The following KIF26B variants were observed in gnomAD, a reference collection of about 807,000 sequenced individuals.
KIF26B encodes kinesin-like protein KIF26B.
KIF26B carries 63 observed loss-of-function variants against 151.2 expected under a neutral mutation model. That is an observed-to-expected ratio of 0.42 (90% CI 0.34 to 0.51). The LOEUF is 0.51. Among genes scored for constraint, KIF26B ranks in the 20% least tolerant of loss-of-function variants. KIF26B has a pLI of 0.07. For synonymous variants in KIF26B, 1,357 were observed against 1,262.1 expected, an observed-to-expected ratio of 1.08 and a Z score of -1.59; for missense variants, 2,813 against 2,913.6, an observed-to-expected ratio of 0.97 and a Z score of 0.79.
At chr1:245,585,747 G>C (rs1465961574) in intron 5 of KIF26B, among the ~76,000 whole-genome samples, 6 of 152,164 alleles carry the variant, frequency 3.9e-5, no homozygotes, top group African/African-American at 1.4e-4. Context: ...AGGTAAAGGA[G>C]ACTGCATTAC....
rs375857224 is a variant in KIF26B, at chr1:245,685,757, C to A, written c.2774C>A (p.Thr925Lys). The A allele has an allele frequency of 1.1e-4, 171 of 1,612,308 alleles. No individual in the cohort carries two copies. Among genetic ancestry groups the A allele is most frequent in the Non-Finnish European group, 1.3e-4 (159 of 1,179,516 alleles). ...GAAAGGGACTGCCTGAAGTGCAACA[C>A]GTTTGCCGAGCTGCAGGAGAGGCTG... ...KSERDCLKCN[T>K]FAELQERLDC... Residue 925 changes from threonine to lysine, a missense_variant, in exon 12 of 15, where the codon ACG becomes AAG. Thr to Lys is a moderately conservative substitution (Grantham distance 78, BLOSUM62 -1). Coordinates refer to ENST00000407071, the MANE Select transcript of KIF26B (RefSeq NM_018012.4).
chr1:245,562,140 C>T (rs1046708446), intron 5 of KIF26B, among the ~76,000 whole-genome samples: 4 of 152,132 alleles, frequency 2.6e-5, no homozygotes, highest in African/African-American at 9.7e-5. Flanking sequence ...TAAAGCACTT[C>T]TCAGCTGTGC....
Position 245,688,467 on chromosome 1 carries a change from G to C in KIF26B, c.5484G>C (p.Glu1828Asp), listed in dbSNP as rs2044570582. 3 of 1,377,272 alleles carry C rather than the reference G, an allele frequency of 2.2e-6. No individual in the cohort carries two copies. Among genetic ancestry groups the C allele is most frequent in the Non-Finnish European group, 2.8e-6 (3 of 1,076,900 alleles). 85.3% of individuals were successfully genotyped at this position (1,377,272 alleles called of 1,614,324 possible). ...ARGLQLRAGP[E>D]AEARGGALAE... ...GCTTGCAGCTGCGGGCCGGGCCCGA[G>C]GCGGAGGCGCGCGGGGGGGCCCTGG... Residue 1828 changes from glutamate to aspartate, a missense_variant, in exon 12 of 15, where the codon GAG becomes GAC. Coordinates refer to ENST00000407071, the MANE Select transcript of KIF26B (RefSeq NM_018012.4).
intron 4 of KIF26B, among the ~76,000 whole-genome samples, chr1:245,472,998 A>G (rs1659948078): frequency 6.6e-6 from 1 of 152,252 alleles, no homozygotes; most frequent in Non-Finnish European, 1.5e-5. Flanking sequence ...CTTTCTGTGT[A>G]GACAGCAGTG....
Position 245,702,760 on chromosome 1 carries a change from T to C in KIF26B, c.*154T>C. 1 of 788,400 alleles carries C rather than the reference T, an allele frequency of 1.3e-6. No homozygotes were observed. The highest frequency in any genetic ancestry group is 1.9e-6 in the Non-Finnish European group (1 of 525,000). 48.8% of individuals were successfully genotyped at this position (788,400 alleles called of 1,614,324 possible). A position where few individuals can be genotyped will look rare whatever the true frequency, so the allele number is the denominator to read the frequency against. On this transcript the variant is annotated 3_prime_UTR_variant, in exon 15 of 15. Coordinates refer to ENST00000407071, the MANE Select transcript of KIF26B (RefSeq NM_018012.4). This position sits in a 1 kb window ranked among gnomAD's most constrained non-coding sequence, Gnocchi z 4.1. Reference sequence around the variant, plus strand: ...GCGGGCGTTGAGCGGAAGGCGAGTTTTCTTTTGTTTTCTGTAGGAAAGGTG... The same window carrying C: ...GCGGGCGTTGAGCGGAAGGCGAGTTCTCTTTTGTTTTCTGTAGGAAAGGTG...
Position 245,273,509 on chromosome 1 carries a change from C to T in KIF26B, c.466-93325C>T, listed in dbSNP as rs567100855. Among the ~76,000 whole-genome samples the T allele has an allele frequency of 3.8e-4, 58 of 151,046 alleles. 1 individual carries two copies. In the South Asian group the frequency reaches 4.6e-3, roughly 12 times the overall value. ...TTGTGTTGCTTCCTATTTCTCTTTTCAATTCTGTCCATGTTTTATATCTTT... is the reference window on the plus strand; with the variant it reads ...TTGTGTTGCTTCCTATTTCTCTTTTTAATTCTGTCCATGTTTTATATCTTT... On this transcript the variant is annotated intron_variant, in intron 2 of 14. Coordinates refer to ENST00000407071, the MANE Select transcript of KIF26B (RefSeq NM_018012.4).
Position 245,345,365 on chromosome 1 carries a change from G to A in KIF26B, c.466-21469G>A, listed in dbSNP as rs1215703650. Among the ~76,000 whole-genome samples the A allele has an allele frequency of 2.0e-5, 3 of 152,202 alleles. No individual in the cohort carries two copies. The East Asian group carries it at 5.8e-4, about 29-fold the overall frequency. On this transcript the variant is annotated intron_variant, in intron 2 of 14. Transcript: ENST00000407071. ...GGGAAACATCAGATCTAACCACCTC[G>A]AGCCTTGCGTCTCTGTTTATGCCTC...
intron 2 of KIF26B, among the ~76,000 whole-genome samples, chr1:245,226,592 T>A (rs1198282094): frequency 6.6e-6 from 1 of 152,058 alleles, no homozygotes; most frequent in Non-Finnish European, 1.5e-5. Flanking sequence ...GCCTCCTGAG[T>A]AGCTGGGATT....
chr1:245,212,321 T>A (rs374197632), intron 2 of KIF26B, among the ~76,000 whole-genome samples: 24 of 152,158 alleles, frequency 1.6e-4, no homozygotes, highest in African/African-American at 5.3e-4. Flanking sequence ...AAGTGGTGGG[T>A]CTGCGATTTG....
chr1:245,641,297 A>T (rs558723419), intron 9 of KIF26B, among the ~76,000 whole-genome samples: 2 of 148,536 alleles, frequency 1.3e-5, no homozygotes, highest in African/African-American at 5.1e-5. Context: ...TTTAATTATA[A>T]TATGTCTTGG....
At chr1:245,372,331 G>T (rs977739679) in intron 3 of KIF26B, among the ~76,000 whole-genome samples, 7 of 152,278 alleles carry the variant, frequency 4.6e-5, no homozygotes, top group Admixed American at 2.0e-4. Context: ...TGCCAAAAAG[G>T]TTGGGAATCA....
At chr1:245,525,785 A>C (rs1661225768) in intron 4 of KIF26B, among the ~76,000 whole-genome samples, 1 of 152,234 alleles carries the variant, frequency 6.6e-6, no homozygotes, top group African/African-American at 2.4e-5. Context: ...TCTCATAATA[A>C]TATAAGGCAT....
chr1:245,237,951 C>T (rs112607124), intron 2 of KIF26B, among the ~76,000 whole-genome samples: 5 of 151,132 alleles, frequency 3.3e-5, no homozygotes, highest in African/African-American at 9.7e-5. Flanking sequence ...ACTTGAGCCC[C>T]GGAGGTCGAG....
At position 245,488,099 on chromosome 1, in the gene KIF26B, T is replaced by A. The variant is rs1660321447; in HGVS notation, c.1167-52668T>A. 6.6e-6 allele frequency among the ~76,000 whole-genome samples: 1 copy of A among 152,212 alleles called. No homozygotes were observed. The highest frequency in any genetic ancestry group is 6.5e-5 in the Admixed American group (1 of 15,278). ...TGCCACGCCCGGCCATGTATCTTTT[T>A]AAGTACAGGTGGAGGTCTCATTATG... On this transcript the variant is annotated intron_variant, in intron 4 of 14. Coordinates refer to ENST00000407071, the MANE Select transcript of KIF26B (RefSeq NM_018012.4). The surrounding 1 kb of genome is among the most constrained non-coding windows in gnomAD (Gnocchi z 4.6).
At chr1:245,285,232 G>A (rs1052384134) in intron 2 of KIF26B, among the ~76,000 whole-genome samples, 1 of 152,136 alleles carries the variant, frequency 6.6e-6, no homozygotes, top group African/African-American at 2.4e-5. Context: ...GGCAGTGGCA[G>A]AATTTATTCC....
chr1:245,324,798 C>G (rs1671953429), intron 2 of KIF26B, among the ~76,000 whole-genome samples: 1 of 151,930 alleles, frequency 6.6e-6, no homozygotes, highest in Non-Finnish European at 1.5e-5. Flanking sequence ...ATGCCATGTT[C>G]CTAAAGAAAA....
In KIF26B at chr1:245,610,748, T is replaced by C. The variant is rs571381663; in HGVS notation, c.1915-1045T>C. ...AAAAGACCAATATTCCCTTTAATTC[T>C]TGTTGAAAAATCTTTTAAATTCTTT... On this transcript the variant is annotated intron_variant, in intron 8 of 14. Coordinates refer to ENST00000407071, the MANE Select transcript of KIF26B (RefSeq NM_018012.4). 2.6e-5 allele frequency among the ~76,000 whole-genome samples: 4 copies of C among 152,390 alleles called. No individual in the cohort carries two copies. The South Asian group carries it at 8.3e-4, about 32-fold the overall frequency.
At chr1:245,625,608 A>G (rs554629023) in intron 9 of KIF26B, among the ~76,000 whole-genome samples, 13 of 152,236 alleles carry the variant, frequency 8.5e-5, no homozygotes, top group Non-Finnish European at 1.5e-4. Flanking sequence ...CTCAGTTATC[A>G]CTTATTTGTG....
rs1015581289 is a variant in KIF26B, at chr1:245,450,737, G to A, written c.1166+30992G>A. Among the ~76,000 whole-genome samples, 9 of 152,318 alleles carry A rather than the reference G, an allele frequency of 5.9e-5. 1 individual carries two copies. In the East Asian group the frequency reaches 1.2e-3, roughly 20 times the overall value. On this transcript the variant is annotated intron_variant, in intron 4 of 14. Transcript: ENST00000407071. ...CTAAAAGACACTATGGCACATCTTC[G>A]TAGGACATTAGCTTTTCTTTGAAGA...
Sources: allele counts gnomAD v4.1 joint callset (sites outside exome capture counted in the v4.1 genomes callset), GRCh38; gene constraint gnomAD v4.1.1; non-coding constraint Gnocchi (gnomAD v3.1); transcripts MANE v1.5; gene names NCBI Gene and HGNC (gene_info 2026-07-23, HGNC 2026-07-21).